The following KCNQ5 variants were observed in gnomAD, a reference collection of about 807,000 sequenced individuals.
KCNQ5 encodes potassium voltage-gated channel subfamily KQT member 5.
In KCNQ5, 30 loss-of-function variants were observed where a neutral mutation model predicts 98.2. The ratio of observed to expected loss-of-function variants is 0.31; its 90% CI spans 0.23 to 0.41. The LOEUF is 0.41. KCNQ5 is among the 10% of genes least tolerant of loss of function. The pLI is 1.00. For synonymous variants in KCNQ5, 458 were observed against 449.4 expected (o/e 1.02, Z -0.24); for missense variants, 835 against 1,182.5 (o/e 0.71, Z 4.31).
intron 1 of KCNQ5, among the ~76,000 whole-genome samples, chr6:72,746,309 A>AT (rs1771404838): frequency 6.6e-6 from 1 of 152,126 alleles, no homozygotes; most frequent in African/African-American, 2.4e-5. Flanking sequence ...TTGCCACCTT[A>AT]TTTAAAAGTC....
At position 73,138,922 on chromosome 6, in the gene KCNQ5, C is replaced by A. The variant is rs144184396; in HGVS notation, c.1468+5281C>A. 5.8e-3 allele frequency among the ~76,000 whole-genome samples: 880 copies of A among 152,318 alleles called. 8 individuals are homozygous for A. Among genetic ancestry groups the A allele is most frequent in the African/African-American group, 0.02 (818 of 41,562 alleles). On this transcript the variant is annotated intron_variant, in intron 10 of 13. Transcript: ENST00000370398. ...AGTGTACCAATTAGGATGCATTTAGCAGCAGGTCACAAAAGAAGCAGATTC... is the reference window on the plus strand; with the variant it reads ...AGTGTACCAATTAGGATGCATTTAGAAGCAGGTCACAAAAGAAGCAGATTC...
At chr6:72,818,627 A>G (rs1775608622) in intron 1 of KCNQ5, among the ~76,000 whole-genome samples, 1 of 151,646 alleles carries the variant, frequency 6.6e-6, no homozygotes. Flanking sequence ...CAGAAGTATA[A>G]ATATTACAGC....
chr6:73,075,723 A>G (rs1773510211), intron 3 of KCNQ5, among the ~76,000 whole-genome samples: 1 of 152,080 alleles, frequency 6.6e-6, no homozygotes, highest in Non-Finnish European at 1.5e-5. Flanking sequence ...TTACCCACAA[A>G]AGCACATGCA....
chr6:72,756,267 T>C (rs1363967615), intron 1 of KCNQ5, among the ~76,000 whole-genome samples: 2 of 152,202 alleles, frequency 1.3e-5, no homozygotes, highest in African/African-American at 4.8e-5. Flanking sequence ...AGCTCTCTAA[T>C]GGGCTCAAGG....
At chr6:73,146,688 A>T (rs6906825) in intron 10 of KCNQ5, among the ~76,000 whole-genome samples, 1 of 149,178 alleles carries the variant, frequency 6.7e-6, no homozygotes, top group African/African-American at 2.5e-5. Context: ...TGACTAGTTC[A>T]ATTATACATG....
chr6:73,071,505 G>C (rs1207793145), intron 3 of KCNQ5, among the ~76,000 whole-genome samples: 1 of 152,154 alleles, frequency 6.6e-6, no homozygotes, highest in Non-Finnish European at 1.5e-5. Context: ...TATTCATAAA[G>C]AAAGTAGGTT....
At chr6:72,963,968 T>C (rs186517216) in intron 1 of KCNQ5, among the ~76,000 whole-genome samples, 79 of 152,314 alleles carry the variant, frequency 5.2e-4, no homozygotes, top group African/African-American at 1.8e-3. Flanking sequence ...GATTTTATTT[T>C]TAAGATGGTG....
chr6:73,042,296 G>A lies in KCNQ5; in HGVS notation c.616+234G>A. On this transcript the variant is annotated intron_variant, in intron 3 of 13. Transcript: ENST00000370398. The stretch of plus-strand genomic sequence containing the variant: ...AGTTGAAGAATTTGAGGCAAAGAGA[G>A]ACGGAGTTAGTTGCTGAATGTCATA... 1.9e-5 allele frequency: 10 copies of A among 522,724 alleles called. No homozygotes were observed. The South Asian group carries it at 2.1e-4, about 11-fold the overall frequency. 32.4% of individuals were successfully genotyped at this position (522,724 alleles called of 1,614,324 possible). A position where few individuals can be genotyped will look rare whatever the true frequency, so the allele number is the denominator to read the frequency against.
At chr6:72,705,571 G>GT (rs1302359981) in intron 1 of KCNQ5, among the ~76,000 whole-genome samples, 2 of 135,000 alleles carry the variant, frequency 1.5e-5, no homozygotes, top group South Asian at 2.5e-4. Flanking sequence ...TTTTTTTTTT[G>GT]TTTTTTGTTG....
chr6:72,820,687 A>G (rs1775712492), intron 1 of KCNQ5, among the ~76,000 whole-genome samples: 1 of 152,038 alleles, frequency 6.6e-6, no homozygotes, highest in African/African-American at 2.4e-5. Flanking sequence ...TCTCCTTGGC[A>G]TCACATCAAA....
At chr6:72,961,554 G>A (rs1040695540) in intron 1 of KCNQ5, among the ~76,000 whole-genome samples, 24 of 150,686 alleles carry the variant, frequency 1.6e-4, no homozygotes, top group African/African-American at 5.4e-4. Context: ...CCCGGGAGGC[G>A]GAGCTTGCAG....
At chr6:72,733,258 AG>A (rs1200392487) in intron 1 of KCNQ5, among the ~76,000 whole-genome samples, 1 of 152,202 alleles carries the variant, frequency 6.6e-6, no homozygotes, top group Non-Finnish European at 1.5e-5. Context: ...GAGACAGAGA[AG>A]GAACCAAAAA....
In KCNQ5 at chr6:72,649,724, G is replaced by A. The variant is rs193168313; in HGVS notation, c.398+27137G>A. 1.8e-4 allele frequency among the ~76,000 whole-genome samples: 27 copies of A among 152,212 alleles called. No individual in the cohort carries two copies. The East Asian group carries it at 5.2e-3, about 29-fold the overall frequency. ...TTTAGGATGGTGTAATTCAGATGAAGCATTACACGTGAAAAGGAAACTCAG... is the reference window on the plus strand; with the variant it reads ...TTTAGGATGGTGTAATTCAGATGAAACATTACACGTGAAAAGGAAACTCAG... On this transcript the variant is annotated intron_variant, in intron 1 of 13. Transcript: ENST00000370398.
intron 1 of KCNQ5, among the ~76,000 whole-genome samples, chr6:72,786,222 A>G (rs1773733894): frequency 6.6e-6 from 1 of 152,216 alleles, no homozygotes; most frequent in Non-Finnish European, 1.5e-5. Flanking sequence ...TCAAGTAGTC[A>G]GTAGCCACAT....
chr6:73,043,223 C>A, intron 3 of KCNQ5: 1 of 317,492 alleles, frequency 3.1e-6, no homozygotes, highest in Non-Finnish European at 7.0e-6. Context: ...GTATGCACAT[C>A]TCAAAAGTCT....
At chr6:73,155,229 G>T (rs1777314953) in intron 10 of KCNQ5, among the ~76,000 whole-genome samples, 1 of 152,150 alleles carries the variant, frequency 6.6e-6, no homozygotes, top group Admixed American at 6.5e-5. Flanking sequence ...ACAAAATAAA[G>T]TTATGGTTTT....
chr6:72,888,583 G>A (rs565490781), intron 1 of KCNQ5, among the ~76,000 whole-genome samples: 6 of 152,256 alleles, frequency 3.9e-5, no homozygotes, highest in Non-Finnish European at 8.8e-5. Context: ...CTGCATTTGC[G>A]ATGAACCATA....
intron 1 of KCNQ5, among the ~76,000 whole-genome samples, chr6:72,996,319 A>G (rs1420137070): frequency 6.6e-6 from 1 of 152,370 alleles, no homozygotes; most frequent in Middle Eastern, 3.4e-3. Context: ...AAAAGATCAC[A>G]GTCTCCGAAA....
At chr6:72,815,763 A>C (rs543512842) in intron 1 of KCNQ5, among the ~76,000 whole-genome samples, 23 of 152,296 alleles carry the variant, frequency 1.5e-4, no homozygotes, top group African/African-American at 5.3e-4. Context: ...TTTATTTATG[A>C]GATAAAATTG....
Sources: gnomAD v4.1 joint callset for allele counts (sites outside exome capture counted in the v4.1 genomes callset) on GRCh38, gnomAD v4.1.1 for gene constraint, MANE v1.5 for transcripts, NCBI Gene and HGNC (gene_info 2026-07-23, HGNC 2026-07-21) for gene names.